Variants in ZMAT4 observed in about 807,000 individuals in gnomAD.
The protein encoded by ZMAT4 is zinc finger matrin-type protein 4.
Under a neutral mutation model 28.7 loss-of-function variants are expected in ZMAT4, and 17 were observed. That is an observed-to-expected ratio of 0.59 (90% CI 0.41 to 0.89). The LOEUF is 0.89. Ranked by LOEUF, ZMAT4 falls within the 40% of genes least tolerant of loss-of-function variation. ZMAT4 has a pLI of 0.00. For synonymous variants in ZMAT4, 117 were observed against 109.2 expected, an observed-to-expected ratio of 1.07 and a Z score of -0.44; for missense variants, 240 against 283.8, an observed-to-expected ratio of 0.85 and a Z score of 1.11.
At chr8:40,692,578 A>G (rs1239139304) in intron 4 of ZMAT4, among the ~76,000 whole-genome samples, 1 of 152,200 alleles carries the variant, frequency 6.6e-6, no homozygotes, top group Non-Finnish European at 1.5e-5. Context: ...TTAACACACA[A>G]TCAATTGCAA....
At chr8:40,862,621 C>T (rs1586184745) in intron 1 of ZMAT4, among the ~76,000 whole-genome samples, 3 of 138,848 alleles carry the variant, frequency 2.2e-5, no homozygotes. Context: ...CACATATACA[C>T]CATGGAATAC....
At chr8:40,834,612 G>A (rs369779007) in intron 1 of ZMAT4, among the ~76,000 whole-genome samples, 4 of 152,064 alleles carry the variant, frequency 2.6e-5, no homozygotes, top group South Asian at 2.1e-4. Context: ...CTGATCTCAC[G>A]GGAAAGGTTC....
intron 5 of ZMAT4, among the ~76,000 whole-genome samples, chr8:40,602,645 T>A (rs1000316136): frequency 1.3e-5 from 2 of 152,226 alleles, no homozygotes; most frequent in Non-Finnish European, 2.9e-5. Context: ...ATTTTTCATA[T>A]GTTTTTTGGC....
chr8:40,773,553 A>C (rs1165901181), intron 2 of ZMAT4, among the ~76,000 whole-genome samples: 2 of 152,114 alleles, frequency 1.3e-5, no homozygotes, highest in African/African-American at 2.4e-5. Flanking sequence ...GTTTTGAGAA[A>C]CTATCAAGGA....
intron 1 of ZMAT4, among the ~76,000 whole-genome samples, chr8:40,829,979 T>C (rs773547241): frequency 4.9e-4 from 75 of 151,826 alleles, no homozygotes; most frequent in Non-Finnish European, 1.0e-3. Flanking sequence ...TCTCAAAACC[T>C]AGATGGAAGA....
chr8:40,670,067 C>A (rs1300324629), intron 5 of ZMAT4, among the ~76,000 whole-genome samples: 4 of 152,052 alleles, frequency 2.6e-5, no homozygotes, highest in African/African-American at 9.7e-5. Flanking sequence ...TTTATATAGA[C>A]ATTTAAAGGA....
At chr8:40,800,898 A>G (rs1023423547) in intron 2 of ZMAT4, among the ~76,000 whole-genome samples, 8 of 152,106 alleles carry the variant, frequency 5.3e-5, no homozygotes, top group African/African-American at 1.9e-4. Flanking sequence ...ATAAAATTAG[A>G]AACAGAAAAT....
intron 3 of ZMAT4, among the ~76,000 whole-genome samples, chr8:40,731,422 C>CACAG (rs1554547505): frequency 6.6e-6 from 1 of 150,904 alleles, no homozygotes; most frequent in Non-Finnish European, 1.5e-5. Flanking sequence ...AATGATCAGA[C>CACAG]AGAGAGAGAG....
chr8:40,881,379 C>G (rs1297381883), intron 1 of ZMAT4, among the ~76,000 whole-genome samples: 1 of 143,964 alleles, frequency 6.9e-6, no homozygotes, highest in Non-Finnish European at 1.5e-5. Flanking sequence ...CAGAGCAAGA[C>G]TCTGTCAAAA....
chr8:40,545,090 C>T (rs1057489318), intron 6 of ZMAT4, among the ~76,000 whole-genome samples: 3 of 152,174 alleles, frequency 2.0e-5, no homozygotes, highest in East Asian at 1.9e-4. Context: ...TAGAGATGCC[C>T]CTGGCCTGGA....
chr8:40,673,023 T>G (rs1808745209), intron 5 of ZMAT4, among the ~76,000 whole-genome samples: 1 of 152,224 alleles, frequency 6.6e-6, no homozygotes, highest in Non-Finnish European at 1.5e-5. Flanking sequence ...TAATCAGGTC[T>G]TTTGGAAAAA....
At chr8:40,563,612 A>G (rs1046358753) in intron 6 of ZMAT4, among the ~76,000 whole-genome samples, 2 of 152,216 alleles carry the variant, frequency 1.3e-5, no homozygotes, top group Non-Finnish European at 2.9e-5. Context: ...GAAAAAACAG[A>G]TAAGAACATG....
chr8:40,751,268 G>A lies in ZMAT4; in HGVS notation c.192+16373C>T, dbSNP rs948155285. Among the ~76,000 whole-genome samples, 6 of 152,234 alleles carry A rather than the reference G, an allele frequency of 3.9e-5. No individual in the cohort carries two copies. The East Asian group carries it at 5.8e-4, about 15-fold the overall frequency. Reference sequence around the variant, plus strand: ...AAGAAAACAGATTTAACTGGCTCACGGTTCTACAGGCTTTACAGGAAGCAT... The same window carrying A: ...AAGAAAACAGATTTAACTGGCTCACAGTTCTACAGGCTTTACAGGAAGCAT... On this transcript the variant is annotated intron_variant, in intron 3 of 6. Transcript: ENST00000297737.
At chr8:40,775,558 AC>A (rs1813556930) in intron 2 of ZMAT4, among the ~76,000 whole-genome samples, 1 of 152,332 alleles carries the variant, frequency 6.6e-6, no homozygotes, top group South Asian at 2.1e-4. Context: ...CACAGCTCAA[AC>A]AGAGGCAGTG....
rs1204055118 is a variant in ZMAT4, at chr8:40,713,543, G to A, written c.193-16142C>T. Among the ~76,000 whole-genome samples, 10 of 152,014 alleles carry A rather than the reference G, an allele frequency of 6.6e-5. No homozygotes were observed. The East Asian group carries it at 7.7e-4, about 12-fold the overall frequency. ...TAGCTATATAAAGAACACTTGCAAA[G>A]CGTTAAAAGAAAGCTAGTTAACACC... On this transcript the variant is annotated intron_variant, in intron 3 of 6. Transcript: ENST00000297737.
chr8:40,720,318 A>G (rs1265513843), intron 3 of ZMAT4, among the ~76,000 whole-genome samples: 1 of 151,248 alleles, frequency 6.6e-6, no homozygotes, highest in Admixed American at 6.6e-5. Flanking sequence ...CCAACTTAAT[A>G]AAATCTACAC....
intron 2 of ZMAT4, among the ~76,000 whole-genome samples, chr8:40,789,497 C>T (rs1436463714): frequency 6.6e-6 from 1 of 152,042 alleles, no homozygotes; most frequent in Non-Finnish European, 1.5e-5. Context: ...AATTAGATAA[C>T]ACAACAGGGT....
intron 6 of ZMAT4, among the ~76,000 whole-genome samples, chr8:40,533,513 A>G (rs1439963487): frequency 6.6e-6 from 1 of 152,168 alleles, no homozygotes; most frequent in Non-Finnish European, 1.5e-5. Context: ...CTAAGGTCCA[A>G]ATGTCTCACT....
At chr8:40,819,951 A>G (rs1170656003) in intron 2 of ZMAT4, among the ~76,000 whole-genome samples, 1 of 152,162 alleles carries the variant, frequency 6.6e-6, no homozygotes, top group African/African-American at 2.4e-5. Flanking sequence ...CTTACTTAAC[A>G]TCATCCATAG....
Sources: allele counts gnomAD v4.1 joint callset (sites outside exome capture counted in the v4.1 genomes callset), GRCh38; gene constraint gnomAD v4.1.1; transcripts MANE v1.5; gene names NCBI Gene and HGNC (gene_info 2026-07-23, HGNC 2026-07-21).